Variants in KCNK2 observed in about 807,000 individuals in gnomAD.
The protein encoded by KCNK2 is potassium two pore domain channel subfamily K member 2, also known as potassium channel subfamily K member 2.
KCNK2 carries 21 observed loss-of-function variants against 40.5 expected under a neutral mutation model. The ratio of observed to expected loss-of-function variants is 0.52; its 90% CI spans 0.37 to 0.75. The LOEUF (loss-of-function observed/expected upper bound fraction) is 0.75, where lower values mean the gene tolerates loss of function less well. Among genes scored for constraint, KCNK2 ranks in the 30% least tolerant of loss-of-function variants. The probability of loss-of-function intolerance (pLI) is 0.00; values close to 1 mark genes in which losing one functional copy is unlikely to be tolerated. For missense variants in KCNK2, 399 were observed against 531.6 expected (o/e 0.75, Z 2.45); for synonymous variants, 191 against 202.2 (o/e 0.94, Z 0.47).
intron 3 of KCNK2, among the ~76,000 whole-genome samples, chr1:215,157,466 T>G (rs2102619894): frequency 6.6e-6 from 1 of 152,340 alleles, no homozygotes; most frequent in African/African-American, 2.4e-5. Flanking sequence ...ATCTGCAATC[T>G]TCTCTATTCC....
upstream of KCNK2, among the ~76,000 whole-genome samples, chr1:215,080,551 T>C (rs556581052): frequency 4.0e-4 from 61 of 152,286 alleles, no homozygotes; most frequent in Admixed American, 3.3e-3. Context: ...GGAATAACGA[T>C]TTCACTCAGA....
At chr1:215,031,635 T>A (rs1279126940) in intron 1 of KCNK2, among the ~76,000 whole-genome samples, 1 of 139,478 alleles carries the variant, frequency 7.2e-6, no homozygotes, top group African/African-American at 2.4e-5. Context: ...CAATATGAAA[T>A]CTTAAATATT....
chr1:215,006,701 A>G (rs1656138925), intron 1 of KCNK2, among the ~76,000 whole-genome samples: 1 of 151,990 alleles, frequency 6.6e-6, no homozygotes, highest in South Asian at 2.1e-4. Flanking sequence ...TACTAAATAA[A>G]TATTTTTTGA....
chr1:215,109,041 C>CAT (rs1332986403), intron 2 of KCNK2, among the ~76,000 whole-genome samples: 42 of 126,086 alleles, frequency 3.3e-4, no homozygotes, highest in Non-Finnish European at 3.1e-4. Flanking sequence ...TATATATATG[C>CAT]ATATATATAG....
rs770266220 is a variant in KCNK2 at position 215,195,033 on chromosome 1, G to T, written c.904G>T (p.Ala302Ser). Residue 302 changes from alanine (A) to serine (S), a missense_variant, in exon 6 of 7, where the codon GCT (alanine) becomes TCT (serine). By Grantham distance (99) the Ala-to-Ser change is moderately conservative. Coordinates refer to ENST00000444842, the MANE Select transcript of KCNK2 (RefSeq NM_001017425.3). ...CCTTGTAGGGCTTGCTTACTTTGCT[G>T]CTGTCCTGAGCATGATTGGAGATTG... is the stretch of plus-strand genomic sequence containing the variant. ...WILVGLAYFA[A>S]VLSMIGDWLR... is the part of the protein sequence containing the mutation. The T allele has an allele frequency of 6.2e-7, 1 of 1,613,246 alleles. No individual in the cohort carries two copies. The highest frequency in any genetic ancestry group is 1.7e-5 in the Admixed American group (1 of 59,968).
chr1:215,154,728 T>A (rs1375245562), intron 3 of KCNK2, among the ~76,000 whole-genome samples: 1 of 152,182 alleles, frequency 6.6e-6, no homozygotes, highest in Non-Finnish European at 1.5e-5. Flanking sequence ...TACGTTTAAG[T>A]CTTTAATCCA....
At chr1:215,007,109 GTGTGTATATATGTATATATA>G (rs1558054049) in intron 1 of KCNK2, among the ~76,000 whole-genome samples, 5 of 126,960 alleles carry the variant, frequency 3.9e-5, no homozygotes, top group East Asian at 4.2e-4. Context: ...GTATATATAT[GTGTGTATATATGTATATATA>G]TGTGTATATA....
intron 6 of KCNK2, among the ~76,000 whole-genome samples, chr1:215,199,080 G>T (rs1332351733): frequency 6.6e-6 from 1 of 152,118 alleles, no homozygotes; most frequent in Non-Finnish European, 1.5e-5. Flanking sequence ...GGCTGAGGCG[G>T]GAGGATCACC....
In KCNK2 at chr1:215,234,853, C is replaced by G; in HGVS notation, c.989C>G (p.Ala330Gly). The change falls in exon 7 of 7, where the codon GCT becomes GGT. Residue 330 changes from alanine (A) to glycine (G), a missense_variant. Ala to Gly is a moderately conservative substitution (Grantham distance 60). This residue lies in a region of KCNK2 where 103 missense variants were observed against 124.3 expected (regional missense o/e 0.83). Coordinates refer to ENST00000444842, the MANE Select transcript of KCNK2 (RefSeq NM_001017425.3). Reference sequence around the variant, plus strand: ...GTGGGAGAGTTCAGAGCACACGCTGCTGAGTGGACAGCCAACGTCACAGCC... The same window carrying G: ...GTGGGAGAGTTCAGAGCACACGCTGGTGAGTGGACAGCCAACGTCACAGCC... ...EEVGEFRAHA[A>G]EWTANVTAEF... 2.5e-6 allele frequency: 4 copies of G among 1,613,738 alleles called. No individual in the cohort carries two copies. Among genetic ancestry groups the G allele is most frequent in the Non-Finnish European group, 3.4e-6 (4 of 1,179,780 alleles).
At chr1:215,121,963 A>C (rs1379134214) in intron 2 of KCNK2, among the ~76,000 whole-genome samples, 5 of 152,206 alleles carry the variant, frequency 3.3e-5, no homozygotes, top group African/African-American at 1.2e-4. Context: ...AAGATCTTTG[A>C]TATCTTCATT....
intron 1 of KCNK2, among the ~76,000 whole-genome samples, chr1:215,042,539 G>A (rs866825652): frequency 2.0e-5 from 3 of 152,198 alleles, no homozygotes; most frequent in African/African-American, 7.2e-5. Flanking sequence ...AGTAAAATGA[G>A]TAGACAAAGG....
chr1:215,217,042 G>A (rs1311126644), intron 6 of KCNK2, among the ~76,000 whole-genome samples: 1 of 152,208 alleles, frequency 6.6e-6, no homozygotes, highest in African/African-American at 2.4e-5. Context: ...ACTAACTGCA[G>A]GGACAATGAC....
intron 1 of KCNK2, among the ~76,000 whole-genome samples, chr1:215,069,856 T>A (rs1015000345): frequency 6.6e-6 from 1 of 152,192 alleles, no homozygotes; most frequent in East Asian, 1.9e-4. Flanking sequence ...TGACTTTCAA[T>A]GTACCCGAAG....
chr1:215,065,803 G>T (rs1220329194), intron 1 of KCNK2, among the ~76,000 whole-genome samples: 1 of 152,172 alleles, frequency 6.6e-6, no homozygotes, highest in Non-Finnish European at 1.5e-5. Flanking sequence ...TGGAAGAAAA[G>T]TGGGAGGAAA....
chr1:215,042,078 C>A (rs1467699774), intron 1 of KCNK2, among the ~76,000 whole-genome samples: 1 of 152,142 alleles, frequency 6.6e-6, no homozygotes, highest in Non-Finnish European at 1.5e-5. Flanking sequence ...CAGGAAAAAC[C>A]TGCCCCCATG....
At chr1:215,084,847 ATC>A (rs1659362399) in intron 1 of KCNK2, among the ~76,000 whole-genome samples, 2 of 152,346 alleles carry the variant, frequency 1.3e-5, no homozygotes, top group South Asian at 4.1e-4. Flanking sequence ...CTCTAATTTC[ATC>A]TCTTCCAAAT....
chr1:215,036,724 G>A, intron 1 of KCNK2, among the ~76,000 whole-genome samples: 1 of 151,670 alleles, frequency 6.6e-6, no homozygotes, highest in Middle Eastern at 3.2e-3. Flanking sequence ...AGTATTCAAT[G>A]TACAGATTTT....
intron 1 of KCNK2, among the ~76,000 whole-genome samples, chr1:215,037,933 GGATATACCTAAGGTATATCTTGA>G (rs1407285056): frequency 6.6e-6 from 1 of 151,492 alleles, no homozygotes; most frequent in African/African-American, 2.4e-5. Flanking sequence ...ATATCCTTTA[GGATATACCTAAGGTATATCTTGA>G]GATATACCTT....
intron 1 of KCNK2, among the ~76,000 whole-genome samples, chr1:215,045,326 A>G (rs906893214): frequency 5.5e-4 from 83 of 152,202 alleles, no homozygotes; most frequent in African/African-American, 1.9e-3. Context: ...TTGGTAGTCC[A>G]ATATGAAACC....
Sources: allele counts gnomAD v4.1 joint callset (sites outside exome capture counted in the v4.1 genomes callset), GRCh38; gene constraint gnomAD v4.1.1; regional missense constraint gnomAD v4.1.1; transcripts MANE v1.5; gene names NCBI Gene and HGNC (gene_info 2026-07-23, HGNC 2026-07-21).